Variants in MTHFD2L observed in about 807,000 individuals in gnomAD.
MTHFD2L encodes the protein methylenetetrahydrofolate dehydrogenase (NADP+ dependent) 2 like, also known as bifunctional methylenetetrahydrofolate dehydrogenase/cyclohydrolase 2, mitochondrial.
In MTHFD2L, 29 loss-of-function variants were observed where a neutral mutation model predicts 34.9. That is an observed-to-expected ratio of 0.83 (90% CI 0.62 to 1.13). The LOEUF (loss-of-function observed/expected upper bound fraction) is 1.13. Among genes scored for constraint, MTHFD2L ranks in the 50% most tolerant of loss-of-function variants. The pLI is 0.00. For missense variants in MTHFD2L, 481 were observed against 446.5 expected, an observed-to-expected ratio of 1.08 and a Z score of -0.70; for synonymous variants, 167 against 155.7, an observed-to-expected ratio of 1.07 and a Z score of -0.54.
chr4:74,273,900 A>G (rs1480697356), intron 6 of MTHFD2L, among the ~76,000 whole-genome samples: 2 of 152,198 alleles, frequency 1.3e-5, no homozygotes, highest in Non-Finnish European at 2.9e-5. Context: ...CACGAGACAG[A>G]CTGGGAAAAG....
At chr4:74,158,051 C>A (rs1422717110), upstream of MTHFD2L, 2 of 1,523,608 alleles carry the variant, frequency 1.3e-6, no homozygotes, top group East Asian at 4.9e-5. Context: ...CCCTGCCAGC[C>A]CGGGTGAGGG....
chr4:74,121,954 C>T (rs902704409), upstream of MTHFD2L, among the ~76,000 whole-genome samples: 5 of 151,920 alleles, frequency 3.3e-5, no homozygotes, highest in Non-Finnish European at 4.4e-5. Flanking sequence ...AAATATCAAA[C>T]CTGTTGAAAC....
At chr4:74,160,199 A>G in intron 1 of MTHFD2L, 8 of 856,720 alleles carry the variant, frequency 9.3e-6, no homozygotes, top group Non-Finnish European at 1.3e-5. Context: ...TAAGTCTGAC[A>G]TCTTTTCTTT....
In MTHFD2L at chr4:74,174,499, T is replaced by C. The variant is rs1415861757; in HGVS notation, c.144-7T>C. 6.9e-7 allele frequency: 1 copy of C among 1,455,092 alleles called. No individual in the cohort carries two copies. 90.1% of individuals were successfully genotyped at this position (1,455,092 alleles called of 1,614,324 possible). A position where few individuals can be genotyped will look rare whatever the true frequency, so the allele number is the denominator to read the frequency against. ...CTTTTTAGTATTTATTGTTTTGCTT[T>C]CCACAGACATGAAGCCATTATTATA... On this transcript the variant is annotated splice_polypyrimidine_tract_variant and splice_region_variant and intron_variant, in intron 1 of 7. Transcript: ENST00000325278.
chr4:74,131,622 T>C (rs1034784049), intron 1 of MTHFD2L, among the ~76,000 whole-genome samples: 1 of 152,118 alleles, frequency 6.6e-6, no homozygotes, highest in African/African-American at 2.4e-5. Context: ...CCTAAAGCTA[T>C]AAATGCCCAA....
chr4:74,294,510 ACTT>A (rs1749390202), intron 7 of MTHFD2L, among the ~76,000 whole-genome samples: 1 of 152,064 alleles, frequency 6.6e-6, no homozygotes, highest in South Asian at 2.1e-4. Context: ...ATGACCACGT[ACTT>A]TCTGTTTTAT....
chr4:74,221,930 A>T (rs550305627), intron 5 of MTHFD2L, among the ~76,000 whole-genome samples: 1 of 151,902 alleles, frequency 6.6e-6, no homozygotes, highest in African/African-American at 2.4e-5. Context: ...ATACTCTAGT[A>T]CAATAAATAA....
At chr4:74,148,466 C>A (rs1322920546) in intron 1 of MTHFD2L, among the ~76,000 whole-genome samples, 1 of 151,668 alleles carries the variant, frequency 6.6e-6, no homozygotes, top group African/African-American at 2.4e-5. Context: ...CTGCTTACTG[C>A]AACCTCTACC....
chr4:74,154,141 C>T (rs1198850732), upstream of MTHFD2L, among the ~76,000 whole-genome samples: 9 of 152,100 alleles, frequency 5.9e-5, no homozygotes, highest in South Asian at 2.1e-4. Flanking sequence ...GTTTTTCTCA[C>T]GATCAGACTG....
chr4:74,298,481 C>G (rs1749896041), intron 7 of MTHFD2L, among the ~76,000 whole-genome samples: 1 of 152,010 alleles, frequency 6.6e-6, no homozygotes, highest in South Asian at 2.1e-4. Flanking sequence ...TTCCCTCCTC[C>G]TCCACCCAAA....
intron 6 of MTHFD2L, among the ~76,000 whole-genome samples, chr4:74,238,645 G>GA (rs1310925178): frequency 3.3e-5 from 5 of 152,072 alleles, no homozygotes; most frequent in Admixed American, 6.6e-5. Flanking sequence ...AAAGTTACAA[G>GA]AAAAAAACAA....
rs369750940 is a variant in MTHFD2L, at chr4:74,115,765, A to C, written c.-144+1108A>C. Among the ~76,000 whole-genome samples, 42 of 152,354 alleles carry C rather than the reference A, an allele frequency of 2.8e-4. 1 individual carries two copies. In the East Asian group the frequency reaches 4.0e-3, roughly 15 times the overall value. On this transcript the variant is annotated intron_variant and NMD_transcript_variant, in intron 2 of 9. Transcript: ENST00000429519. ...AATGTAAATATAAGTGATTAAATTA[A>C]ATTACATTTATCAATAAAAATAGCT...
chr4:74,233,734 C>G (rs1456945304), intron 6 of MTHFD2L, among the ~76,000 whole-genome samples: 2 of 152,026 alleles, frequency 1.3e-5, no homozygotes, highest in African/African-American at 4.8e-5. Context: ...TTTCCAAGAT[C>G]GATCACCTCA....
At chr4:74,216,241 C>T (rs1737189649) in intron 5 of MTHFD2L, among the ~76,000 whole-genome samples, 1 of 151,818 alleles carries the variant, frequency 6.6e-6, no homozygotes, top group Non-Finnish European at 1.5e-5. Flanking sequence ...CATTTCTTCT[C>T]ATTCTCTGTT....
rs532053785 is a variant in MTHFD2L, at chr4:74,244,510, A to G, written c.805+19116A>G. Among the ~76,000 whole-genome samples, 4 of 85,394 alleles carry G rather than the reference A, an allele frequency of 4.7e-5. No individual in the cohort carries two copies. The East Asian group carries it at 1.6e-3, about 35-fold the overall frequency. 56.0% of individuals were successfully genotyped at this position (85,394 alleles called of 152,430 possible). On this transcript the variant is annotated intron_variant, in intron 6 of 7. Transcript: ENST00000325278. Reference sequence around the variant, plus strand: ...ACTGTGAGCTTGACAGCTTTGTAATACTTATATGTTTTTTTCTCATGAGAT... The same window carrying G: ...ACTGTGAGCTTGACAGCTTTGTAATGCTTATATGTTTTTTTCTCATGAGAT...
intron 1 of MTHFD2L, among the ~76,000 whole-genome samples, chr4:74,136,703 C>G (rs956173088): frequency 6.6e-6 from 1 of 152,116 alleles, no homozygotes; most frequent in Non-Finnish European, 1.5e-5. Context: ...CTGTATACAT[C>G]ACACTACCTG....
At chr4:74,154,879 A>G (rs1182374912), upstream of MTHFD2L, among the ~76,000 whole-genome samples, 1 of 152,144 alleles carries the variant, frequency 6.6e-6, no homozygotes, top group African/African-American at 2.4e-5. Flanking sequence ...ATACATCTAT[A>G]AATATTTGTA....
chr4:74,187,800 T>TACACACACACACACACACACACACAC lies in MTHFD2L; in HGVS notation c.452-11984_452-11959dup, dbSNP rs61173269. ...TCCAGCCATTCTGTGCCTGTGTATT[T>TACACACACACACACACACACACACAC]ACACACACACACACACACACACACA... On this transcript the variant is annotated intron_variant, in intron 3 of 7. Coordinates refer to ENST00000325278, the MANE Select transcript of MTHFD2L (RefSeq NM_001144978.3). Among the ~76,000 whole-genome samples, 481 of 144,346 alleles carry TACACACACACACACACACACACACAC rather than the reference T, an allele frequency of 3.3e-3. 2 individuals are homozygous for TACACACACACACACACACACACACAC. Among genetic ancestry groups the TACACACACACACACACACACACACAC allele is most frequent in the East Asian group, 8.9e-3 (44 of 4,924 alleles). The allele number at this position is 144,346 out of a possible 152,430, so 94.7% of individuals were successfully genotyped here.
At chr4:74,284,215 G>T (rs1747854299) in intron 7 of MTHFD2L, among the ~76,000 whole-genome samples, 1 of 152,154 alleles carries the variant, frequency 6.6e-6, no homozygotes, top group South Asian at 2.1e-4. Context: ...CAGAAAGGAT[G>T]ACAATGTCCC....
Sources: allele counts gnomAD v4.1 joint callset (sites outside exome capture counted in the v4.1 genomes callset), GRCh38; gene constraint gnomAD v4.1.1; transcripts MANE v1.5; gene names NCBI Gene and HGNC (gene_info 2026-07-23, HGNC 2026-07-21).